The following EPC2 variants were observed in gnomAD, a reference collection of about 807,000 sequenced individuals.
The protein encoded by EPC2 is enhancer of polycomb 2, also known as enhancer of polycomb homolog 2.
Under a neutral mutation model 92.1 loss-of-function variants are expected in EPC2, and 14 were observed. That is an observed-to-expected ratio of 0.15 (90% CI 0.10 to 0.24). The LOEUF is 0.24. Ranked by LOEUF, EPC2 falls within the 10% of genes least tolerant of loss-of-function variation. The pLI is 1.00. For missense variants in EPC2, 755 were observed against 971.5 expected, an observed-to-expected ratio of 0.78 and a Z score of 2.96; for synonymous variants, 340 against 334.7, an observed-to-expected ratio of 1.02 and a Z score of -0.17.
Position 148,645,181 on chromosome 2 carries a change from G to T in EPC2, c.153+11G>T, listed in dbSNP as rs1683766754. On this transcript the variant is annotated intron_variant, in intron 1 of 13. Transcript: ENST00000258484. Reference sequence around the variant, plus strand: ...AAGGAGGAGGAATCGGTAGGGACTCGAGTGTTTATTACCCCCCCTTCCCTC... The same window carrying T: ...AAGGAGGAGGAATCGGTAGGGACTCTAGTGTTTATTACCCCCCCTTCCCTC... 6.3e-7 allele frequency: 1 copy of T among 1,598,830 alleles called. No individual in the cohort carries two copies. The highest frequency in any genetic ancestry group is 8.5e-7 in the Non-Finnish European group (1 of 1,172,616).
chr2:148,676,368 T>G (rs1394761754), intron 1 of EPC2, among the ~76,000 whole-genome samples: 2 of 152,160 alleles, frequency 1.3e-5, no homozygotes, highest in East Asian at 3.9e-4. Context: ...AAAGTACCTA[T>G]AAGAAGTGAT....
chr2:148,674,512 C>T (rs755296747), intron 1 of EPC2, among the ~76,000 whole-genome samples: 1 of 152,144 alleles, frequency 6.6e-6, no homozygotes, highest in Non-Finnish European at 1.5e-5. Context: ...TGTTTTCTAC[C>T]TGCTGTGGTG....
intron 1 of EPC2, among the ~76,000 whole-genome samples, chr2:148,676,834 A>G (rs1470314262): frequency 1.6e-4 from 23 of 143,522 alleles, no homozygotes; most frequent in Non-Finnish European, 4.5e-5. Context: ...CAGTGCCATG[A>G]TGACCATTTT....
At chr2:148,726,543 T>C (rs1682497431) in intron 2 of EPC2, among the ~76,000 whole-genome samples, 1 of 152,166 alleles carries the variant, frequency 6.6e-6, no homozygotes, top group Non-Finnish European at 1.5e-5. Context: ...TTGATTTGCA[T>C]TTCCCTGATG....
intron 8 of EPC2, among the ~76,000 whole-genome samples, chr2:148,769,616 C>T (rs1683477262): frequency 6.6e-6 from 1 of 152,062 alleles, no homozygotes; most frequent in African/African-American, 2.4e-5. Flanking sequence ...GTTATGCAAG[C>T]CCATCTTGTG....
At chr2:148,758,155 C>G (rs1683229696) in intron 4 of EPC2, among the ~76,000 whole-genome samples, 1 of 77,970 alleles carries the variant, frequency 1.3e-5, no homozygotes, top group Non-Finnish European at 2.3e-5. Flanking sequence ...TGAGTCCATA[C>G]TGATGTGGGT....
chr2:148,767,425 T>TCTTCTGATTGTTTGTATTAGGTC (rs1683431351), intron 7 of EPC2, among the ~76,000 whole-genome samples: 1 of 152,180 alleles, frequency 6.6e-6, no homozygotes, highest in Admixed American at 6.5e-5. Context: ...ACTTTTAGGT[T>TCTTCTGATTGTTTGTATTAGGTC]CTTCTGATTG....
At chr2:148,731,775 C>T (rs1051328955) in intron 2 of EPC2, among the ~76,000 whole-genome samples, 3 of 152,198 alleles carry the variant, frequency 2.0e-5, no homozygotes, top group Non-Finnish European at 4.4e-5. Flanking sequence ...TTAAAAAACA[C>T]CACCATTGAT....
chr2:148,646,604 T>TC (rs1242678816), intron 1 of EPC2, among the ~76,000 whole-genome samples: 1 of 151,474 alleles, frequency 6.6e-6, no homozygotes, highest in Non-Finnish European at 1.5e-5. Context: ...GTGAGAACTT[T>TC]TTTTTTTAAT....
chr2:148,711,978 G>T (rs1282922620), intron 2 of EPC2, among the ~76,000 whole-genome samples: 2 of 151,982 alleles, frequency 1.3e-5, no homozygotes, highest in African/African-American at 4.8e-5. Context: ...TTTAAACTGG[G>T]TTTATTTTAG....
chr2:148,731,007 T>C (rs1395037330), intron 2 of EPC2, among the ~76,000 whole-genome samples: 2 of 152,214 alleles, frequency 1.3e-5, no homozygotes, highest in East Asian at 3.9e-4. Context: ...TTTATATCTC[T>C]TGCAGTTAAG....
chr2:148,656,266 C>G (rs955263777), intron 1 of EPC2, among the ~76,000 whole-genome samples: 2 of 152,142 alleles, frequency 1.3e-5, no homozygotes, highest in African/African-American at 4.8e-5. Context: ...GTTTGGATAG[C>G]AAACCTTAAC....
chr2:148,718,942 C>T (rs1162029309), intron 2 of EPC2, among the ~76,000 whole-genome samples: 4 of 152,018 alleles, frequency 2.6e-5, no homozygotes, highest in African/African-American at 7.2e-5. Flanking sequence ...ATTCCATTTC[C>T]TTCTTTTTTC....
chr2:148,738,307 G>C (rs1353020528), intron 2 of EPC2, among the ~76,000 whole-genome samples: 1 of 152,162 alleles, frequency 6.6e-6, no homozygotes, highest in Non-Finnish European at 1.5e-5. Context: ...GCTCATCTGT[G>C]ATCCCACAGA....
chr2:148,666,307 AT>A (rs1387844213), intron 1 of EPC2, among the ~76,000 whole-genome samples: 7 of 152,114 alleles, frequency 4.6e-5, no homozygotes, highest in Non-Finnish European at 1.0e-4. Flanking sequence ...TGCCTGGCTA[AT>A]TTTTTGACTT....
chr2:148,656,892 G>C (rs753295649), intron 1 of EPC2, among the ~76,000 whole-genome samples: 1 of 152,144 alleles, frequency 6.6e-6, no homozygotes, highest in Non-Finnish European at 1.5e-5. Context: ...ATTTGAACCA[G>C]AGTTTAAATA....
intron 1 of EPC2, among the ~76,000 whole-genome samples, chr2:148,660,624 A>C (rs1489156496): frequency 2.0e-5 from 3 of 151,846 alleles, no homozygotes; most frequent in Non-Finnish European, 4.4e-5. Context: ...TTTTGAATTA[A>C]AGTTAAGTAG....
intron 1 of EPC2, among the ~76,000 whole-genome samples, chr2:148,651,564 A>T (rs1680685312): frequency 6.6e-6 from 1 of 151,864 alleles, no homozygotes; most frequent in Non-Finnish European, 1.5e-5. Context: ...AGGAGTTTGT[A>T]GGGTGGTATA....
chr2:148,751,245 G>A (rs958396840), intron 3 of EPC2, among the ~76,000 whole-genome samples: 3 of 151,892 alleles, frequency 2.0e-5, no homozygotes, highest in East Asian at 1.9e-4. Flanking sequence ...TAATATATTC[G>A]TTTATGTATT....
Sources: gnomAD v4.1 joint callset for allele counts (sites outside exome capture counted in the v4.1 genomes callset) on GRCh38, gnomAD v4.1.1 for gene constraint, MANE v1.5 for transcripts, NCBI Gene and HGNC (gene_info 2026-07-23, HGNC 2026-07-21) for gene names.